Variants in HOOK2 observed in about 807,000 individuals in gnomAD.
HOOK2 encodes protein Hook homolog 2.
A neutral mutation model predicts 111.9 loss-of-function variants in HOOK2; 108 were observed. That is an observed-to-expected ratio of 0.96 (90% CI 0.83 to 1.13). The LOEUF is 1.13. HOOK2 is among the 50% of genes most tolerant of loss of function. HOOK2 has a pLI of 0.00. For synonymous variants in HOOK2, 405 were observed against 394.3 expected, an observed-to-expected ratio of 1.03 and a Z score of -0.32; for missense variants, 978 against 951.3, an observed-to-expected ratio of 1.03 and a Z score of -0.37.
At position 12,763,134 on chromosome 19, in the gene HOOK2, C is replaced by CAACCA; in HGVS notation, c.*147_*148insTGGTT. Reference sequence around the variant, plus strand: ...AACAGGCCTATATCTACCTCCCGCCCTCCCTCCCCACCAATCTGGGAGAGG... The same window carrying CAACCA: ...AACAGGCCTATATCTACCTCCCGCCCAACCATCCCTCCCCACCAATCTGGGAGAGG... On this transcript the variant is annotated 3_prime_UTR_variant, in exon 23 of 23. Coordinates refer to ENST00000397668, the MANE Select transcript of HOOK2 (RefSeq NM_013312.3). 1 of 577,216 alleles carries CAACCA rather than the reference C, an allele frequency of 1.7e-6. No individual in the cohort carries two copies. The highest frequency in any genetic ancestry group is 1.9e-5 in the African/African-American group (1 of 52,384). 35.8% of individuals were successfully genotyped at this position (577,216 alleles called of 1,614,324 possible).
chr19:12,789,247 T>C (rs893773639), intron 3 of HOOK2, among the ~76,000 whole-genome samples: 1 of 151,794 alleles, frequency 6.6e-6, no homozygotes, highest in Non-Finnish European at 1.5e-5. Context: ...GCTTCTCACC[T>C]CTTGGTCTAG....
At position 12,771,169 on chromosome 19, in the gene HOOK2, C is replaced by T. The variant is rs761547437; in HGVS notation, c.751G>A (p.Glu251Lys). The change falls in exon 9 of 23, where the codon GAG (glutamate) becomes AAG (lysine). Residue 251 changes from glutamate to lysine, a missense_variant. This residue lies in a region of HOOK2 where 388 missense variants were observed against 358.3 expected (regional missense o/e 1.08). Transcript: ENST00000397668. ...CCCAGCTGACCACACCTGAAGTTCT[C>T]CTCCTGCAACTGCTCCAGCTGGGAT... ...LQSQLEQLQE[E>K]NFRLESGRED... is the part of the protein sequence containing the mutation. 3.1e-6 allele frequency: 5 copies of T among 1,613,464 alleles called. No individual in the cohort carries two copies. Among genetic ancestry groups the T allele is most frequent in the Admixed American group, 1.7e-5 (1 of 59,876 alleles).
In HOOK2 at chr19:12,764,930, G is replaced by T. The variant is rs1386419179; in HGVS notation, c.1724-13C>A. On this transcript the variant is annotated splice_polypyrimidine_tract_variant and intron_variant, in intron 19 of 22. Transcript: ENST00000397668. ...ATCCGCCGGGCTGCTGGCGGAAGAG[G>T]TGGCCCATCAGCTCCACGCTGCTGG... 1.8e-5 allele frequency: 29 copies of T among 1,613,932 alleles called. No individual in the cohort carries two copies. The highest frequency in any genetic ancestry group is 2.4e-5 in the Non-Finnish European group (28 of 1,179,992).
intron 20 of HOOK2, chr19:12,764,509 T>C: frequency 3.4e-6 from 1 of 293,856 alleles, no homozygotes; most frequent in Non-Finnish European, 6.4e-6. Flanking sequence ...TTTGTATTTT[T>C]AGTAGAGATG....
At chr19:12,780,654 CTTTTTTTTTTTTTTT>C (rs1203010571), upstream of HOOK2, among the ~76,000 whole-genome samples, 3 of 32,092 alleles carry the variant, frequency 9.3e-5, no homozygotes, top group Non-Finnish European at 1.7e-4. Flanking sequence ...CGCGCCCGGC[CTTTTTTTTTTTTTTT>C]TTTTTTTTTT....
chr19:12,785,289 CTCT>C (rs753549682), intron 3 of HOOK2, among the ~76,000 whole-genome samples: 17 of 150,920 alleles, frequency 1.1e-4, no homozygotes, highest in Non-Finnish European at 2.2e-4. Flanking sequence ...AGCCACAGAC[CTCT>C]TTTTCACACA....
rs1156560654 is a variant in HOOK2 at position 12,774,754 on chromosome 19, A to C, written c.132-13T>G. On this transcript the variant is annotated splice_polypyrimidine_tract_variant and intron_variant, in intron 2 of 22. Coordinates refer to ENST00000397668, the MANE Select transcript of HOOK2 (RefSeq NM_013312.3). ...CCAGGAGGGGTCTCTGGGGGCGAGAAGGTGGGATGAGCAGACTGGGGGACA... is the reference window on the plus strand; with the variant it reads ...CCAGGAGGGGTCTCTGGGGGCGAGACGGTGGGATGAGCAGACTGGGGGACA... 6.2e-7 allele frequency: 1 copy of C among 1,613,696 alleles called. No homozygotes were observed. Among genetic ancestry groups the C allele is most frequent in the East Asian group, 2.2e-5 (1 of 44,854 alleles).
chr19:12,785,740 T>C (rs1968649059), intron 3 of HOOK2, among the ~76,000 whole-genome samples: 1 of 152,170 alleles, frequency 6.6e-6, no homozygotes, highest in Admixed American at 6.5e-5. Flanking sequence ...TATAGGCCAG[T>C]CACACGCTTG....
In HOOK2 at chr19:12,775,540, TC is replaced by T; in HGVS notation, c.-92del. On this transcript the variant is annotated 5_prime_UTR_variant, in exon 1 of 23. Coordinates refer to ENST00000397668, the MANE Select transcript of HOOK2 (RefSeq NM_013312.3). ...CCAGCGAGCGCCCGCAGCCCCGACC[TC>T]CCGCTCGGCCTAGAGCGCCGCCCCG... 1 of 1,410,580 alleles carries T rather than the reference TC, an allele frequency of 7.1e-7. No homozygotes were observed. 87.4% of individuals were successfully genotyped at this position (1,410,580 alleles called of 1,614,324 possible). A position where few individuals can be genotyped will look rare whatever the true frequency, so the allele number is the denominator to read the frequency against.
In HOOK2 at chr19:12,765,689, C is replaced by G; in HGVS notation, c.1640+1G>C. 6.2e-7 allele frequency: 1 copy of G among 1,614,180 alleles called. No homozygotes were observed. Among genetic ancestry groups the G allele is most frequent in the East Asian group, 2.2e-5 (1 of 44,848 alleles). ...AGGAGTTCCCTCTTTCTGCGACTTACAAATGTTCCTCCAGCTTCCTTTTCA... is the reference window on the plus strand; with the variant it reads ...AGGAGTTCCCTCTTTCTGCGACTTAGAAATGTTCCTCCAGCTTCCTTTTCA... On this transcript the variant is annotated splice_donor_variant, in intron 18 of 22. Coordinates refer to ENST00000397668, the MANE Select transcript of HOOK2 (RefSeq NM_013312.3). LOFTEE classifies it high-confidence loss of function.
intron 10 of HOOK2, among the ~76,000 whole-genome samples, chr19:12,770,706 AG>A (rs925796947): frequency 5.4e-4 from 13 of 24,206 alleles, no homozygotes; most frequent in African/African-American, 1.7e-3. Flanking sequence ...CTGTGGGATA[AG>A]GGGGGGGCAG....
chr19:12,783,525 G>T (rs1216120227), intron 3 of HOOK2, among the ~76,000 whole-genome samples: 1 of 151,924 alleles, frequency 6.6e-6, no homozygotes, highest in African/African-American at 2.4e-5. Context: ...GCCTCCTGGG[G>T]GCCTGGGTGC....
In HOOK2 at chr19:12,774,844, G is replaced by A. The variant is rs575975583; in HGVS notation, c.99C>T (p.Ser33=). Residue 33 remains serine, a synonymous_variant, in exon 2 of 23, where the codon AGC becomes AGT. Transcript: ENST00000397668. ...TCAGCACATAGGCTACGGCAAGGCC[G>A]CTGCTCAGGTCCTGAGGGCTGGCAC... The part of the protein sequence containing the change: ...SPCASPQDLS[S]GLAVAYVLNQ... The A allele has an allele frequency of 8.9e-5, 143 of 1,614,098 alleles. 2 individuals carry two copies. The Middle Eastern group carries it at 4.3e-3, about 48-fold the overall frequency.
At chr19:12,776,721 G>T (rs1281557175), upstream of HOOK2, among the ~76,000 whole-genome samples, 1 of 151,338 alleles carries the variant, frequency 6.6e-6, no homozygotes, top group Non-Finnish European at 1.5e-5. Context: ...GTGTTTCTGT[G>T]GTCCTAGCTC....
At chr19:12,773,259 T>C in intron 3 of HOOK2, 1 of 536,512 alleles carries the variant, frequency 1.9e-6, no homozygotes, top group South Asian at 2.2e-5. Flanking sequence ...TTTTTTGCTT[T>C]AGCTTTTTAA....
At chr19:12,767,517 C>A (rs997554871) in intron 13 of HOOK2, 53 bp from the exon 14 acceptor site, 3 of 1,434,608 alleles carry the variant, frequency 2.1e-6, no homozygotes, top group Non-Finnish European at 2.9e-6. Context: ...TGTCCCCGCC[C>A]CTAGGGTCTT....
In HOOK2 at chr19:12,771,218, A is replaced by C. The variant is rs749569862; in HGVS notation, c.702T>G (p.Thr234=). The change falls in exon 9 of 23, where the codon ACT becomes ACG. Residue 234 remains threonine (T), a synonymous_variant. Coordinates refer to ENST00000397668, the MANE Select transcript of HOOK2 (RefSeq NM_013312.3). The part of the protein sequence containing the change: ...RPEGEGTPGL[T]AKKLLLLQSQ... Reference sequence around the variant, plus strand: ...ATTGCAGCAGCAGCAGCTTCTTGGCAGTGAGACCTGGGGTACCCTCGCCTT... The same window carrying C: ...ATTGCAGCAGCAGCAGCTTCTTGGCCGTGAGACCTGGGGTACCCTCGCCTT... 1.2e-6 allele frequency: 2 copies of C among 1,612,102 alleles called. No homozygotes were observed. Among genetic ancestry groups the C allele is most frequent in the Non-Finnish European group, 1.7e-6 (2 of 1,179,224 alleles).
At chr19:12,780,009 G>T (rs769406764), upstream of HOOK2, among the ~76,000 whole-genome samples, 2 of 152,128 alleles carry the variant, frequency 1.3e-5, no homozygotes. Context: ...AATCAGCCAG[G>T]CGTGGTGGTG....
chr19:12,778,703 T>C (rs144135385), upstream of HOOK2, among the ~76,000 whole-genome samples: 44 of 152,310 alleles, frequency 2.9e-4, no homozygotes, highest in African/African-American at 1.1e-3. Flanking sequence ...AGGGGAAATC[T>C]GGAAATCCAA....
Sources: allele counts gnomAD v4.1 joint callset (sites outside exome capture counted in the v4.1 genomes callset), GRCh38; gene constraint gnomAD v4.1.1; regional missense constraint gnomAD v4.1.1; transcripts MANE v1.5; gene names NCBI Gene and HGNC (gene_info 2026-07-23, HGNC 2026-07-21).